PLD1: variants seen among roughly 807,000 people sequenced by gnomAD.
PLD1 encodes phospholipase D1, also known as choline phosphatase 1.
In PLD1, 112 loss-of-function variants were observed where a neutral mutation model predicts 137.1. The ratio of observed to expected loss-of-function variants is 0.82; its 90% CI spans 0.70 to 0.96. The LOEUF (loss-of-function observed/expected upper bound fraction) is 0.96, where lower values mean the gene tolerates loss of function less well. Among genes scored for constraint, PLD1 ranks in the 40% least tolerant of loss-of-function variants. The pLI, the probability that PLD1 is intolerant of heterozygous loss-of-function variation, is 0.00. For missense variants in PLD1, 1,321 were observed against 1,342.0 expected (o/e 0.98, Z 0.24); for synonymous variants, 431 against 454.7 (o/e 0.95, Z 0.66).
Position 171,739,114 on chromosome 3 carries a change from A to T in PLD1, c.-31-1032T>A, listed in dbSNP as rs2108268331. ...TAAGGAGCACCTGATATGGGTGAGG[A>T]AAATGAGGCATCTAACCCAAAGTTC... On this transcript the variant is annotated intron_variant, in intron 1 of 26. Transcript: ENST00000351298. Among the ~76,000 whole-genome samples, 2 of 152,286 alleles carry T rather than the reference A, an allele frequency of 1.3e-5. 1 individual carries two copies. Among genetic ancestry groups the T allele is most frequent in the East Asian group, 3.9e-4 (2 of 5,194 alleles).
intron 16 of PLD1, among the ~76,000 whole-genome samples, chr3:171,684,329 A>G (rs968994770): frequency 7.9e-5 from 12 of 152,212 alleles, no homozygotes; most frequent in Non-Finnish European, 1.2e-4. Context: ...ATAAAGCAGC[A>G]AAGTTACACA....
At chr3:171,623,173 A>G (rs956888769) in intron 23 of PLD1, among the ~76,000 whole-genome samples, 7 of 152,108 alleles carry the variant, frequency 4.6e-5, no homozygotes, top group Non-Finnish European at 8.8e-5. Context: ...ATGTAATGTA[A>G]TATAAGGTAA....
At chr3:171,803,549 C>T (rs574611927) in intron 1 of PLD1, among the ~76,000 whole-genome samples, 4 of 152,280 alleles carry the variant, frequency 2.6e-5, no homozygotes, top group African/African-American at 7.2e-5. Context: ...GCCTGACCAA[C>T]ATGGTGAAAG....
In PLD1 at chr3:171,612,956, C is replaced by T. The variant is rs145130441; in HGVS notation, c.2729-524G>A. ...GCCAAGGCAGGAGGATCGCTTAAAG[C>T]CAGGAGTTTGAGACCAGCCTGGACA... On this transcript the variant is annotated intron_variant, in intron 24 of 26. Coordinates refer to ENST00000351298, the MANE Select transcript of PLD1 (RefSeq NM_002662.5). This position sits in a 1 kb window ranked among gnomAD's most constrained non-coding sequence, Gnocchi z 4.1. Among the ~76,000 whole-genome samples, 791 of 152,256 alleles carry T rather than the reference C, an allele frequency of 5.2e-3. 3 individuals are homozygous for T. Among genetic ancestry groups the T allele is most frequent in the African/African-American group, 0.017 (699 of 41,542 alleles).
chr3:171,687,302 G>A, intron 15 of PLD1, 69 bp downstream of exon 15: 2 of 1,243,802 alleles, frequency 1.6e-6, no homozygotes, highest in South Asian at 1.2e-5. Context: ...TTAAAAACAG[G>A]TATGTAGTGT....
intron 21 of PLD1, among the ~76,000 whole-genome samples, chr3:171,652,330 G>A (rs1281788460): frequency 1.3e-5 from 2 of 150,888 alleles, no homozygotes; most frequent in Non-Finnish European, 3.0e-5. Flanking sequence ...GGAGAATGGC[G>A]TGAACCCAGG....
chr3:171,778,656 C>A (rs374678273), intron 1 of PLD1, among the ~76,000 whole-genome samples: 9 of 152,304 alleles, frequency 5.9e-5, no homozygotes, highest in South Asian at 4.1e-4. Context: ...GAGGCCAATA[C>A]AAACTTGGCG....
chr3:171,806,943 TA>T (rs746249237), intron 1 of PLD1, among the ~76,000 whole-genome samples: 4 of 152,204 alleles, frequency 2.6e-5, no homozygotes, highest in Non-Finnish European at 4.4e-5. Context: ...AGTAATGTAT[TA>T]GGTCTTTCCT....
intron 9 of PLD1, among the ~76,000 whole-genome samples, chr3:171,710,050 C>T (rs770256629): frequency 2.1e-4 from 29 of 141,386 alleles, no homozygotes; most frequent in Non-Finnish European, 3.4e-4. Context: ...CGTACAGCAG[C>T]GGTCCCCAAC....
At chr3:171,726,654 A>T (rs924203304) in intron 6 of PLD1, among the ~76,000 whole-genome samples, 2 of 152,244 alleles carry the variant, frequency 1.3e-5, no homozygotes, top group African/African-American at 4.8e-5. Context: ...AGGCATAATG[A>T]AAAGAATTAT....
chr3:171,803,733 CA>C (rs568287395), intron 1 of PLD1, among the ~76,000 whole-genome samples: 67 of 152,034 alleles, frequency 4.4e-4, no homozygotes, highest in African/African-American at 1.6e-3. Context: ...AATTCTGTCT[CA>C]AAAAAAGAAA....
chr3:171,720,347 A>C (rs904537749), intron 8 of PLD1, among the ~76,000 whole-genome samples: 3 of 150,076 alleles, frequency 2.0e-5, no homozygotes, highest in African/African-American at 7.4e-5. Flanking sequence ...TGTAATCCCA[A>C]CACTTTGGGA....
intron 23 of PLD1, 52 bp from the exon 24 acceptor site, chr3:171,620,572 C>A (rs360407): frequency 1.8e-6 from 2 of 1,101,606 alleles, no homozygotes; most frequent in Non-Finnish European, 1.4e-6. Context: ...GCTCAATAAA[C>A]GTACATTAAA....
chr3:171,645,415 G>A (rs187452766), intron 21 of PLD1, among the ~76,000 whole-genome samples: 316 of 152,286 alleles, frequency 2.1e-3, no homozygotes, highest in Non-Finnish European at 3.6e-3. Flanking sequence ...AGCTAGAGCC[G>A]TGGAAATAGT....
At chr3:171,736,154 C>A (rs1242199540) in intron 3 of PLD1, among the ~76,000 whole-genome samples, 1 of 152,140 alleles carries the variant, frequency 6.6e-6, no homozygotes, top group African/African-American at 2.4e-5. Context: ...ATACCACCCA[C>A]CCACCCTAAG....
At chr3:171,659,646 A>G (rs912923846) in intron 20 of PLD1, among the ~76,000 whole-genome samples, 1 of 152,342 alleles carries the variant, frequency 6.6e-6, no homozygotes, top group Non-Finnish European at 1.5e-5. Context: ...TTTCAGATTC[A>G]CATGTTGTAT....
intron 1 of PLD1, among the ~76,000 whole-genome samples, chr3:171,775,981 C>T (rs1247314387): frequency 6.6e-6 from 1 of 152,186 alleles, no homozygotes; most frequent in African/African-American, 2.4e-5. Flanking sequence ...AGCTAGGATG[C>T]AAACGCAGGA....
chr3:171,728,571 T>C (rs147210463), intron 6 of PLD1, among the ~76,000 whole-genome samples: 50 of 152,308 alleles, frequency 3.3e-4, no homozygotes, highest in African/African-American at 1.2e-3. Context: ...TTGAAGACTA[T>C]AGTCTACTAC....
At chr3:171,809,478 C>T (rs1039030211) in intron 1 of PLD1, 2 of 152,218 alleles carry the variant, frequency 1.3e-5, no homozygotes, top group African/African-American at 4.8e-5. Flanking sequence ...GAAGGCTTAT[C>T]TTAACTAAAA....
Sources: gnomAD v4.1 joint callset for allele counts (sites outside exome capture counted in the v4.1 genomes callset) on GRCh38, gnomAD v4.1.1 for gene constraint, Gnocchi (gnomAD v3.1) non-coding constraint, MANE v1.5 for transcripts, NCBI Gene and HGNC (gene_info 2026-07-23, HGNC 2026-07-21) for gene names.